The following ASH2L variants were observed in gnomAD, a reference collection of about 807,000 sequenced individuals.
ASH2L encodes the protein ASH2 like, histone lysine methyltransferase complex subunit.
Under a neutral mutation model 81.1 loss-of-function variants are expected in ASH2L, and 30 were observed. The observed-to-expected ratio is 0.37, with a 90% CI of 0.28 to 0.50. The LOEUF is 0.50. ASH2L is among the 20% of genes least tolerant of loss of function. The pLI, the probability that ASH2L is intolerant of heterozygous loss-of-function variation, is 0.95. For missense variants in ASH2L, 559 were observed against 792.1 expected, an observed-to-expected ratio of 0.71 and a Z score of 3.53; for synonymous variants, 273 against 279.9, an observed-to-expected ratio of 0.98 and a Z score of 0.24.
intron 10 of ASH2L, among the ~76,000 whole-genome samples, chr8:38,125,388 A>G (rs1336152142): frequency 6.6e-6 from 1 of 152,156 alleles, no homozygotes; most frequent in Non-Finnish European, 1.5e-5. Context: ...TGGGAGGCTG[A>G]GGCGGGTGGA....
chr8:38,133,395 T>A, intron 12 of ASH2L, 59 bp from the exon 13 acceptor site: 1 of 1,287,966 alleles, frequency 7.8e-7, no homozygotes, highest in Non-Finnish European at 1.1e-6. Context: ...GGATGCGTTT[T>A]TTTCATGATG....
At chr8:38,130,227 C>CTTTTTTTTT (rs71216650) in intron 12 of ASH2L, among the ~76,000 whole-genome samples, 7 of 86,216 alleles carry the variant, frequency 8.1e-5, no homozygotes, top group East Asian at 3.3e-4. Context: ...CTTCTCTGTT[C>CTTTTTTTTT]TTTTTTTTTT....
At chr8:38,124,688 C>G (rs1801763779) in intron 10 of ASH2L, 1 of 152,180 alleles carries the variant, frequency 6.6e-6, no homozygotes, top group African/African-American at 2.4e-5. Flanking sequence ...TCATGGGGTT[C>G]TCCCCTGATT....
intron 12 of ASH2L, among the ~76,000 whole-genome samples, chr8:38,132,822 C>T (rs1371900234): frequency 1.6e-5 from 2 of 128,284 alleles, no homozygotes; most frequent in Middle Eastern, 5.9e-3. Context: ...ATAGGCTGGG[C>T]GCAGTGGCTC....
chr8:38,138,722 C>A (rs572542755), intron 14 of ASH2L, 94 bp from the exon 15 acceptor site: 4 of 1,031,328 alleles, frequency 3.9e-6, no homozygotes, highest in African/African-American at 1.6e-5. Context: ...AGTATTGTAG[C>A]CACATTTAAA....
intron 5 of ASH2L, 129 bp from the exon 6 acceptor site, chr8:38,114,063 C>T (rs1810795371): frequency 1.4e-5 from 8 of 587,120 alleles, no homozygotes; most frequent in Middle Eastern, 4.7e-4. Flanking sequence ...TGTATAACAC[C>T]GTGGGGGGAA....
chr8:38,120,700 C>G (rs1304706559), intron 9 of ASH2L, among the ~76,000 whole-genome samples: 1 of 137,108 alleles, frequency 7.3e-6, no homozygotes, highest in Admixed American at 8.5e-5. Flanking sequence ...GGGAAGATAT[C>G]CACAATCTAC....
intron 10 of ASH2L, among the ~76,000 whole-genome samples, chr8:38,125,570 TGCACTCCAGCCTGGGCGA>T (rs1379183898): frequency 4.0e-5 from 6 of 150,380 alleles, no homozygotes; most frequent in Non-Finnish European, 7.4e-5. Context: ...ATCGCGCCAT[TGCACTCCAGCCTGGGCGA>T]CAAGAGTGAA....
At chr8:38,115,496 G>A (rs1810857525) in intron 7 of ASH2L, among the ~76,000 whole-genome samples, 1 of 152,128 alleles carries the variant, frequency 6.6e-6, no homozygotes, top group Admixed American at 6.6e-5. Context: ...TGTTTGATTT[G>A]CCAGCTTTGA....
chr8:38,134,528 G>C (rs1307431192), intron 13 of ASH2L, among the ~76,000 whole-genome samples: 1 of 152,116 alleles, frequency 6.6e-6, no homozygotes, highest in East Asian at 1.9e-4. Context: ...CTCCACTTCC[G>C]GGGTTGCTGG....
chr8:38,110,456 G>A lies in ASH2L; in HGVS notation c.479G>A (p.Arg160Gln), dbSNP rs1302966083. ...CACAGTGGGAATACCTATTTCCTCCGGAAGCAAGCAAGTAAGAACAAACTC... is the reference window on the plus strand; with the variant it reads ...CACAGTGGGAATACCTATTTCCTCCAGAAGCAAGCAAGTAAGAACAAACTC... Reference protein sequence around the residue: ...CHHSGNTYFLRKQANLKEMCL... With the variant: ...CHHSGNTYFLQKQANLKEMCL... The change falls in exon 4 of 16, where the codon CGG (arginine) becomes CAG (glutamine). Residue 160 changes from arginine (R) to glutamine (Q), a missense_variant. Arg to Gln is a conservative substitution (Grantham distance 43). Transcript: ENST00000343823. The A allele has an allele frequency of 6.2e-7, 1 of 1,613,264 alleles. No homozygotes were observed. Among genetic ancestry groups the A allele is most frequent in the South Asian group, 1.1e-5 (1 of 91,068 alleles).
chr8:38,127,844 G>A (rs965425532), intron 10 of ASH2L, among the ~76,000 whole-genome samples: 3 of 150,464 alleles, frequency 2.0e-5, no homozygotes, highest in East Asian at 2.0e-4. Context: ...TCAGGAGTTC[G>A]AGACCAGCCT....
chr8:38,106,139 G>A (rs1161833307), intron 1 of ASH2L: 3 of 1,530,136 alleles, frequency 2.0e-6, no homozygotes, highest in South Asian at 2.4e-5. Context: ...CTCTAACCCA[G>A]GTAGATTTGA....
intron 9 of ASH2L, among the ~76,000 whole-genome samples, chr8:38,119,678 G>A (rs1053344273): frequency 2.0e-5 from 3 of 152,074 alleles, no homozygotes; most frequent in Non-Finnish European, 4.4e-5. Context: ...AGTGGTGAGC[G>A]CCTGTAATCC....
chr8:38,105,542 G>T lies in ASH2L; in HGVS notation c.-9G>T, dbSNP rs559568518. 19 of 1,555,988 alleles carry T rather than the reference G, an allele frequency of 1.2e-5. No individual in the cohort carries two copies. The East Asian group carries it at 4.4e-4, about 36-fold the overall frequency. The stretch of plus-strand genomic sequence containing the variant: ...GAGTATTCTCGCGAGAAGTCCAGGG[G>T]TGGCCGTGATGGCGGCGGCAGGAGC... On this transcript the variant is annotated 5_prime_UTR_variant, in exon 1 of 16. Transcript: ENST00000343823.
chr8:38,113,454 T>G (rs1810768104), intron 5 of ASH2L, among the ~76,000 whole-genome samples: 1 of 152,272 alleles, frequency 6.6e-6, no homozygotes, highest in Non-Finnish European at 1.5e-5. Context: ...CAGTAAAGAT[T>G]TAGTTGTCAT....
chr8:38,108,885 G>C (rs957969973), intron 3 of ASH2L, among the ~76,000 whole-genome samples: 1 of 152,150 alleles, frequency 6.6e-6, no homozygotes, highest in African/African-American at 2.4e-5. Context: ...TTCGAGACTA[G>C]CCTAGGCAAC....
intron 10 of ASH2L, among the ~76,000 whole-genome samples, chr8:38,127,742 CAAAAAAAAAAA>C (rs780876575): frequency 2.9e-5 from 2 of 67,976 alleles, no homozygotes; most frequent in Non-Finnish European, 5.9e-5. Flanking sequence ...GACTCTGTCT[CAAAAAAAAAAA>C]AAAAAAAAGA....
chr8:38,105,948 G>A, intron 1 of ASH2L: 8 of 1,506,936 alleles, frequency 5.3e-6, no homozygotes, highest in Non-Finnish European at 7.1e-6. Flanking sequence ...GGGAGCTGAG[G>A]CTCCTGTCGT....
Sources: allele counts gnomAD v4.1 joint callset (sites outside exome capture counted in the v4.1 genomes callset), GRCh38; gene constraint gnomAD v4.1.1; transcripts MANE v1.5; gene names NCBI Gene and HGNC (gene_info 2026-07-23, HGNC 2026-07-21).